DNAH2: variants seen among roughly 807,000 people sequenced by gnomAD.
The protein encoded by DNAH2 is axonemal beta dynein heavy chain 2.
Under a neutral mutation model 523.5 loss-of-function variants are expected in DNAH2, and 323 were observed. That is an observed-to-expected ratio of 0.62 (90% CI 0.56 to 0.68). The LOEUF (loss-of-function observed/expected upper bound fraction) is 0.68, where lower values mean the gene tolerates loss of function less well. Among genes scored for constraint, DNAH2 ranks in the 30% least tolerant of loss-of-function variants. DNAH2 has a pLI of 0.00. For synonymous variants in DNAH2, 2,093 were observed against 2,177.4 expected, an observed-to-expected ratio of 0.96 and a Z score of 1.08; for missense variants, 4,907 against 5,701.5, an observed-to-expected ratio of 0.86 and a Z score of 4.49.
chr17:7,749,976 G>A (rs558652333), intron 12 of DNAH2, among the ~76,000 whole-genome samples: 92 of 152,172 alleles, frequency 6.0e-4, no homozygotes, highest in African/African-American at 2.1e-3. Flanking sequence ...CAGCCTGGGC[G>A]ACAGAGCGAG....
intron 74 of DNAH2, 92 bp from the exon 75 acceptor site, chr17:7,823,742 C>CT: frequency 1.5e-5 from 24 of 1,579,524 alleles, no homozygotes; most frequent in Non-Finnish European, 2.1e-5. Flanking sequence ...CCTCCTGGCC[C>CT]GGAGCACATT....
At chr17:7,803,368 T>C (rs1199848603) in intron 58 of DNAH2, among the ~76,000 whole-genome samples, 2 of 152,182 alleles carry the variant, frequency 1.3e-5, no homozygotes, top group African/African-American at 4.8e-5. Flanking sequence ...TTGCAAAGGA[T>C]ATTTTAAAAG....
chr17:7,805,021 A>G lies in DNAH2; in HGVS notation c.9247A>G (p.Asn3083Asp). 6.2e-7 allele frequency: 1 copy of G among 1,614,204 alleles called. No individual in the cohort carries two copies. The change falls in exon 60 of 86, where the codon AAT becomes GAT. Residue 3083 changes from asparagine (N) to aspartate (D), a missense_variant. This residue lies in a region of DNAH2 where 1,851 missense variants were observed against 2,139.4 expected (regional missense o/e 0.87). Transcript: ENST00000572933. ...AATCAAGTGTCAGGCACTGGCTGAC[A>G]ATGCCCAGAAAGATCTAGAAGAGGC... ...EEIKCQALAD[N>D]AQKDLEEALP... is the part of the protein sequence containing the mutation.
At chr17:7,730,031 A>T (rs573474592) in intron 4 of DNAH2, among the ~76,000 whole-genome samples, 10 of 152,318 alleles carry the variant, frequency 6.6e-5, no homozygotes, top group African/African-American at 1.7e-4. Flanking sequence ...AAAGAGGAAC[A>T]AAGCATGCAA....
rs1053296727 is a variant in DNAH2, at chr17:7,763,261, C to T, written c.2979-570C>T. Among the ~76,000 whole-genome samples the T allele has an allele frequency of 2.0e-5, 3 of 152,108 alleles. 1 individual carries two copies. The highest frequency in any genetic ancestry group is 4.4e-5 in the Non-Finnish European group (3 of 68,016). ...GCAAGCTCCGCCTCCCAGTTTCAAG[C>T]CATTCTCCTGCCTCAGCCTCCCAAG... On this transcript the variant is annotated intron_variant, in intron 18 of 85. Coordinates refer to ENST00000572933, the MANE Select transcript of DNAH2 (RefSeq NM_020877.5).
rs1597564523 is a variant in DNAH2, at chr17:7,760,127, G to A, written c.2785+189G>A. ...TTGTGCCTGTAATCCCAGCACTTTG[G>A]GAGGCTGAGGCAGGCAGGTCATTTG... On this transcript the variant is annotated intron_variant, in intron 17 of 85. Coordinates refer to ENST00000572933, the MANE Select transcript of DNAH2 (RefSeq NM_020877.5). The surrounding 1 kb of genome is among the most constrained non-coding windows in gnomAD (Gnocchi z 4.0). Among the ~76,000 whole-genome samples, 1 of 152,170 alleles carries A rather than the reference G, an allele frequency of 6.6e-6. No homozygotes were observed. Among genetic ancestry groups the A allele is most frequent in the Admixed American group, 6.5e-5 (1 of 15,272 alleles).
At chr17:7,723,563 C>A in intron 2 of DNAH2, 65 bp from the exon 3 acceptor site, 2 of 1,420,932 alleles carry the variant, frequency 1.4e-6, no homozygotes, top group Non-Finnish European at 2.0e-6. Context: ...TGAGCCACCG[C>A]GCCCAGCTGA....
chr17:7,759,062 C>A lies in DNAH2; in HGVS notation c.2386C>A (p.His796Asn). The A allele has an allele frequency of 1.2e-6, 2 of 1,614,160 alleles. No individual in the cohort carries two copies. The highest frequency in any genetic ancestry group is 1.7e-6 in the Non-Finnish European group (2 of 1,180,038). Residue 796 changes from histidine to asparagine, a missense_variant, in exon 15 of 86, where the codon CAC (histidine) becomes AAC (asparagine). Physicochemically the swap from His to Asn is moderately conservative, Grantham distance 68. Coordinates refer to ENST00000572933, the MANE Select transcript of DNAH2 (RefSeq NM_020877.5). ...TGTACAGCAGAAATTGATGAACCTGCACCAGGATGTGGTGACCATCATGAC... is the reference window on the plus strand; with the variant it reads ...TGTACAGCAGAAATTGATGAACCTGAACCAGGATGTGGTGACCATCATGAC... ...AAVQQKLMNL[H>N]QDVVTIMTNS...
chr17:7,798,972 G>T lies in DNAH2; in HGVS notation c.8560-131G>T. The stretch of plus-strand genomic sequence containing the variant: ...ACTCGGGGGTGGGGGGTGCTGAAGT[G>T]GGAGGATGGTTTGAGGCCAGGAGTT... On this transcript the variant is annotated intron_variant, in intron 55 of 85. Transcript: ENST00000572933. This position sits in a 1 kb window ranked among gnomAD's most constrained non-coding sequence, Gnocchi z 5.5. 7.6e-7 allele frequency: 1 copy of T among 1,322,328 alleles called. No homozygotes were observed. Among genetic ancestry groups the T allele is most frequent in the Non-Finnish European group, 1.0e-6 (1 of 970,444 alleles). 81.9% of individuals were successfully genotyped at this position (1,322,328 alleles called of 1,614,324 possible).
At chr17:7,734,329 C>T in intron 6 of DNAH2, 36 bp downstream of exon 6, 1 of 1,605,968 alleles carries the variant, frequency 6.2e-7, no homozygotes, top group Non-Finnish European at 8.5e-7. Context: ...ACCTGGCGAT[C>T]ACAGGGGAGA....
chr17:7,765,371 C>T lies in DNAH2; in HGVS notation c.3337-20C>T, dbSNP rs369104356. On this transcript the variant is annotated intron_variant, in intron 20 of 85. Transcript: ENST00000572933. ...CAGACCTCCTGCTCCTGGTCATCCT[C>T]CACTCTCTGACTCCCCCAGGTCCTG... The T allele has an allele frequency of 5.0e-6, 8 of 1,604,294 alleles. No individual in the cohort carries two copies. The highest frequency in any genetic ancestry group is 4.5e-5 in the East Asian group (2 of 44,814).
At position 7,807,730 on chromosome 17, in the gene DNAH2, T is replaced by A. The variant is rs2077405776; in HGVS notation, c.9729+144T>A. The A allele has an allele frequency of 1.3e-6, 1 of 742,552 alleles. No homozygotes were observed. Among genetic ancestry groups the A allele is most frequent in the African/African-American group, 1.7e-5 (1 of 57,226 alleles). 46.0% of individuals were successfully genotyped at this position (742,552 alleles called of 1,614,324 possible). A position where few individuals can be genotyped will look rare whatever the true frequency, so the allele number is the denominator to read the frequency against. On this transcript the variant is annotated intron_variant, in intron 63 of 85. Coordinates refer to ENST00000572933, the MANE Select transcript of DNAH2 (RefSeq NM_020877.5). This position sits in a 1 kb window ranked among gnomAD's most constrained non-coding sequence, Gnocchi z 5.6. The stretch of plus-strand genomic sequence containing the variant: ...CCAGTCCTGTCTCCTTCCCACTCTG[T>A]GCCCTGTTTAGACTGGGCTGCCTCT...
At position 7,822,999 on chromosome 17, in the gene DNAH2, CA is replaced by C. The variant is rs147026708; in HGVS notation, c.11143-439del. On this transcript the variant is annotated intron_variant, in intron 73 of 85. Transcript: ENST00000572933. ...CTGTATTCATCTCTTCACTCTCATA[CA>C]AAAGCCATTTTGGGCTGGGCGCGGT... Among the ~76,000 whole-genome samples the C allele has an allele frequency of 1.5e-3, 225 of 152,140 alleles. 1 individual carries two copies. The highest frequency in any genetic ancestry group is 4.9e-3 in the African/African-American group (205 of 41,504).
rs1395471107 is a variant in DNAH2, at chr17:7,792,860, G to A, written c.7344+5G>A. The A allele has an allele frequency of 6.2e-7, 1 of 1,609,274 alleles. No homozygotes were observed. Reference sequence around the variant, plus strand: ...GTTGTCAACATGTCCGCACAGGTGTGTCGGGGATCCAGGGGCCAGGCTGCC... The same window carrying A: ...GTTGTCAACATGTCCGCACAGGTGTATCGGGGATCCAGGGGCCAGGCTGCC... On this transcript the variant is annotated splice_donor_5th_base_variant and intron_variant, in intron 47 of 85. Transcript: ENST00000572933.
intron 64 of DNAH2, 110 bp from the exon 65 acceptor site, chr17:7,817,180 G>T: frequency 4.9e-6 from 7 of 1,430,402 alleles, no homozygotes; most frequent in Non-Finnish European, 6.5e-6. Flanking sequence ...GGGAGGGAAA[G>T]ATCCTCTTTG....
In DNAH2 at chr17:7,767,928, A is replaced by G. The variant is rs2076213951; in HGVS notation, c.3704A>G (p.Glu1235Gly). The G allele has an allele frequency of 1.9e-6, 3 of 1,613,908 alleles. No homozygotes were observed. Among genetic ancestry groups the G allele is most frequent in the South Asian group, 1.1e-5 (1 of 91,074 alleles). The change falls in exon 23 of 86, where the codon GAG becomes GGG. Residue 1235 changes from glutamate to glycine, a missense_variant. By Grantham distance (98) the Glu-to-Gly change is moderately conservative. Transcript: ENST00000572933. ...KELDALQQIW[E>G]IARDWEENWN... ...CTCGATGCCCTCCAGCAAATCTGGG[A>G]GATCGCACGAGACTGGGAGGAGAAC...
chr17:7,798,964 G>A lies in DNAH2; in HGVS notation c.8560-139G>A. 2.4e-6 allele frequency: 3 copies of A among 1,273,742 alleles called. No individual in the cohort carries two copies. The highest frequency in any genetic ancestry group is 4.5e-5 in the Admixed American group (2 of 44,644). The allele number at this position is 1,273,742 out of a possible 1,614,324, so 78.9% of individuals were successfully genotyped here. On this transcript the variant is annotated intron_variant, in intron 55 of 85. Transcript: ENST00000572933. This position sits in a 1 kb window ranked among gnomAD's most constrained non-coding sequence, Gnocchi z 5.5. ...TTCCAGCTACTCGGGGGTGGGGGGT[G>A]CTGAAGTGGGAGGATGGTTTGAGGC... is the stretch of plus-strand genomic sequence containing the variant.
Position 7,831,119 on chromosome 17 carries a change from G to A in DNAH2, c.12264G>A (p.Lys4088=). Residue 4088 remains lysine, a synonymous_variant, in exon 80 of 86, where the codon AAG becomes AAA. Coordinates refer to ENST00000572933, the MANE Select transcript of DNAH2 (RefSeq NM_020877.5). The surrounding 1 kb of genome is among the most constrained non-coding windows in gnomAD (Gnocchi z 4.2). ...LSALETYFIP[K]DGSLASYKEY... is the part of the protein sequence containing the mutation. ...CACTGGAGACTTATTTCATCCCCAAGGATGGCAGCCTCGCTTCTTACAAGG... is the reference window on the plus strand; with the variant it reads ...CACTGGAGACTTATTTCATCCCCAAAGATGGCAGCCTCGCTTCTTACAAGG... 1 of 1,613,984 alleles carries A rather than the reference G, an allele frequency of 6.2e-7. No individual in the cohort carries two copies. Among genetic ancestry groups the A allele is most frequent in the Non-Finnish European group, 8.5e-7 (1 of 1,180,024 alleles).
chr17:7,749,551 A>G (rs149066532), intron 12 of DNAH2, among the ~76,000 whole-genome samples: 6 of 152,138 alleles, frequency 3.9e-5, no homozygotes, highest in Non-Finnish European at 7.4e-5. Flanking sequence ...CAATCTCCCC[A>G]TATCATTATA....
Sources: gnomAD v4.1 joint callset for allele counts (sites outside exome capture counted in the v4.1 genomes callset) on GRCh38, gnomAD v4.1.1 for gene constraint, gnomAD v4.1.1 regional missense constraint, Gnocchi (gnomAD v3.1) non-coding constraint, MANE v1.5 for transcripts, NCBI Gene and HGNC (gene_info 2026-07-23, HGNC 2026-07-21) for gene names.